Variants in SBNO1 observed in about 807,000 individuals in gnomAD.
SBNO1 encodes protein strawberry notch homolog 1.
A neutral mutation model predicts 173.6 loss-of-function variants in SBNO1; 23 were observed. The ratio of observed to expected loss-of-function variants is 0.13; its 90% CI spans 0.10 to 0.19. The LOEUF (loss-of-function observed/expected upper bound fraction) is 0.19. SBNO1 is among the 10% of genes least tolerant of loss of function. The probability of loss-of-function intolerance (pLI) is 1.00; values close to 1 mark genes in which losing one functional copy is unlikely to be tolerated. For synonymous variants in SBNO1, 632 were observed against 571.5 expected (o/e 1.11, Z -1.51); for missense variants, 1,238 against 1,671.2 (o/e 0.74, Z 4.52).
In SBNO1 at chr12:123,320,678, AG is replaced by A; in HGVS notation, c.2491+20del. The A allele has an allele frequency of 1.3e-6, 2 of 1,594,538 alleles. No homozygotes were observed. The highest frequency in any genetic ancestry group is 1.7e-6 in the Non-Finnish European group (2 of 1,172,550). On this transcript the variant is annotated intron_variant, in intron 18 of 31. Transcript: ENST00000602398. ...TTTTGTTTAAAACAGTATTTCAAAA[AG>A]GAAGTTTCTGTATGGATACCTGGTG...
intron 7 of SBNO1, among the ~76,000 whole-genome samples, 199 bp from the exon 8 acceptor site, chr12:123,331,574 T>A (rs192935585): frequency 6.6e-6 from 1 of 152,128 alleles, no homozygotes; most frequent in African/African-American, 2.4e-5. Context: ...CAGGTTGGAG[T>A]GCAGTGGCGC....
chr12:123,307,172 GACAGA>G (rs1224953192), intron 28 of SBNO1, among the ~76,000 whole-genome samples: 3 of 152,088 alleles, frequency 2.0e-5, no homozygotes, highest in African/African-American at 7.2e-5. Flanking sequence ...CAGCCTGGGT[GACAGA>G]GCGAGCGAGA....
chr12:123,358,909 G>C (rs774207986), intron 1 of SBNO1, among the ~76,000 whole-genome samples: 2 of 151,934 alleles, frequency 1.3e-5, no homozygotes, highest in Admixed American at 6.6e-5. Context: ...CACATTAGCA[G>C]GGTGTCAAAT....
Position 123,341,058 on chromosome 12 carries a change from T to G in SBNO1, c.581A>C (p.Glu194Ala), listed in dbSNP as rs1228527946. 1 of 1,601,100 alleles carries G rather than the reference T, an allele frequency of 6.2e-7. No homozygotes were observed. Residue 194 changes from glutamate (E) to alanine (A), a missense_variant, in exon 5 of 32, where the codon GAG becomes GCG. Glu to Ala is a moderately radical substitution (Grantham distance 107). Coordinates refer to ENST00000602398, the MANE Select transcript of SBNO1 (RefSeq NM_001167856.3). ...TCTAGCTCCTTCTTTATTAGAAGAC[T>G]CTTTCTTTACTGTACCATTGCTTAC... The part of the protein sequence containing the change: ...TDVSNGTVKK[E>A]SSNKEGARMW...
intron 10 of SBNO1, 26 bp from the exon 11 acceptor site, chr12:123,328,053 A>G: frequency 1.3e-6 from 2 of 1,570,582 alleles, no homozygotes; most frequent in Non-Finnish European, 1.7e-6. Context: ...TAAGGAATGT[A>G]TCACATTAGT....
At chr12:123,363,165 G>C (rs182263335) in intron 1 of SBNO1, among the ~76,000 whole-genome samples, 1 of 152,064 alleles carries the variant, frequency 6.6e-6, no homozygotes, top group Non-Finnish European at 1.5e-5. Context: ...GCAGAAGCCA[G>C]AGAAAAAAAG....
Position 123,291,198 on chromosome 12 carries a change from C to T in SBNO1, c.*4710G>A, listed in dbSNP as rs184812245. The stretch of plus-strand genomic sequence containing the variant: ...CATTTGTAGGTTAAAAGCATAGGCC[C>T]GACTTCTTAAATAAACATAGGGAAT... On this transcript the variant is annotated 3_prime_UTR_variant, in exon 32 of 32. Coordinates refer to ENST00000602398, the MANE Select transcript of SBNO1 (RefSeq NM_001167856.3). The T allele has an allele frequency of 2.2e-4, 34 of 152,222 alleles. No homozygotes were observed. The highest frequency in any genetic ancestry group is 3.4e-3 in the Middle Eastern group (1 of 292). The allele number at this position is 152,222 out of a possible 1,614,324, so 9.4% of individuals were successfully genotyped here. A position where few individuals can be genotyped will look rare whatever the true frequency, so the allele number is the denominator to read the frequency against.
chr12:123,316,496 T>C (rs1869285050), intron 21 of SBNO1, among the ~76,000 whole-genome samples: 1 of 152,132 alleles, frequency 6.6e-6, no homozygotes, highest in Non-Finnish European at 1.5e-5. Context: ...AGTGCTGGGA[T>C]TACAGGCGTG....
intron 28 of SBNO1, among the ~76,000 whole-genome samples, chr12:123,308,019 C>G (rs2048963903): frequency 6.6e-6 from 1 of 152,122 alleles, no homozygotes; most frequent in Non-Finnish European, 1.5e-5. Flanking sequence ...TTGCAGTAAG[C>G]CAAGATCGTG....
intron 7 of SBNO1, 137 bp from the exon 8 acceptor site, chr12:123,331,512 A>T (rs1309493197): frequency 2.4e-6 from 2 of 844,048 alleles, no homozygotes; most frequent in Non-Finnish European, 3.5e-6. Context: ...TTTTTACATA[A>T]ATTTCATAGA....
chr12:123,344,134 T>G (rs1872849379), intron 4 of SBNO1, among the ~76,000 whole-genome samples: 1 of 152,160 alleles, frequency 6.6e-6, no homozygotes, highest in Admixed American at 6.6e-5. Context: ...AGAAGCAGGC[T>G]TCCTCATTAA....
chr12:123,334,895 A>G (rs1871656047), intron 6 of SBNO1, among the ~76,000 whole-genome samples: 1 of 152,172 alleles, frequency 6.6e-6, no homozygotes. Flanking sequence ...TTGCAATACA[A>G]TTTTATTTTG....
At chr12:123,358,862 A>G (rs1348997968) in intron 1 of SBNO1, among the ~76,000 whole-genome samples, 1 of 152,016 alleles carries the variant, frequency 6.6e-6, no homozygotes, top group East Asian at 1.9e-4. Flanking sequence ...CTGTACTCCC[A>G]ACCCTGTTCC....
At chr12:123,364,104 G>C in intron 1 of SBNO1, 4 of 985,570 alleles carry the variant, frequency 4.1e-6, no homozygotes, top group Non-Finnish European at 4.8e-6. Context: ...GAGTCGCCTG[G>C]AGAGGCGTGA....
In SBNO1 at chr12:123,327,513, T is replaced by C. The variant is rs199955934; in HGVS notation, c.1605A>G (p.Gln535=). The C allele has an allele frequency of 5.0e-6, 8 of 1,613,838 alleles. No individual in the cohort carries two copies. The highest frequency in any genetic ancestry group is 3.3e-5 in the Admixed American group (2 of 60,016). ...TGAAGGTCACTCCAGTAAAGCTCAG[T>C]TGTCGAGCAATGTACATTCCTCTAA... ...MKLRGMYIAR[Q]LSFTGVTFKI... The change falls in exon 13 of 32, where the codon CAA becomes CAG. Residue 535 remains glutamine (Q), a synonymous_variant. Coordinates refer to ENST00000602398, the MANE Select transcript of SBNO1 (RefSeq NM_001167856.3).
At chr12:123,322,121 G>A (rs568777038) in intron 16 of SBNO1, among the ~76,000 whole-genome samples, 17 of 152,214 alleles carry the variant, frequency 1.1e-4, no homozygotes, top group African/African-American at 4.1e-4. Context: ...AAAATCAATA[G>A]AAAATCAATT....
At chr12:123,297,858 A>C in intron 31 of SBNO1, 120 bp downstream of exon 31, 77 of 850,340 alleles carry the variant, frequency 9.1e-5, no homozygotes, top group Middle Eastern at 3.2e-4. Flanking sequence ...AACGGGTCCC[A>C]TACCCACTAC....
chr12:123,319,869 T>C, intron 20 of SBNO1, 31 bp downstream of exon 20: 1 of 1,606,134 alleles, frequency 6.2e-7, no homozygotes, highest in East Asian at 2.2e-5. Context: ...GCATTGTTCT[T>C]TTCACTGAGA....
At position 123,294,018 on chromosome 12, in the gene SBNO1, T is replaced by C. The variant is rs969643422; in HGVS notation, c.*1890A>G. The C allele has an allele frequency of 1.3e-5, 2 of 152,370 alleles. No individual in the cohort carries two copies. Among genetic ancestry groups the C allele is most frequent in the Non-Finnish European group, 2.9e-5 (2 of 68,146 alleles). 9.4% of individuals were successfully genotyped at this position (152,370 alleles called of 1,614,324 possible). ...GCTGAAGGTGGGGAGAGTGCTGCTC[T>C]TGGCTGCCAGCCGGGTCTAGCGGCC... is the stretch of plus-strand genomic sequence containing the variant. On this transcript the variant is annotated 3_prime_UTR_variant, in exon 32 of 32. Coordinates refer to ENST00000602398, the MANE Select transcript of SBNO1 (RefSeq NM_001167856.3).
Sources: allele counts gnomAD v4.1 joint callset (sites outside exome capture counted in the v4.1 genomes callset), GRCh38; gene constraint gnomAD v4.1.1; transcripts MANE v1.5; gene names NCBI Gene and HGNC (gene_info 2026-07-23, HGNC 2026-07-21).